The following ASB5 variants were observed in gnomAD, a reference collection of about 807,000 sequenced individuals.
ASB5 encodes ankyrin repeat and SOCS box protein 5.
ASB5 carries 45 observed loss-of-function variants against 42.1 expected under a neutral mutation model. The observed-to-expected ratio is 1.07, with a 90% CI of 0.84 to 1.37. ASB5 has a LOEUF of 1.37. Among genes scored for constraint, ASB5 ranks in the 40% most tolerant of loss-of-function variants. ASB5 has a pLI of 0.00. For missense variants in ASB5, 402 were observed against 399.8 expected, an observed-to-expected ratio of 1.01 and a Z score of -0.05; for synonymous variants, 147 against 150.6, an observed-to-expected ratio of 0.98 and a Z score of 0.18.
chr4:176,263,249 C>A (rs1209479529), intron 1 of ASB5, among the ~76,000 whole-genome samples: 1 of 152,112 alleles, frequency 6.6e-6, no homozygotes, highest in South Asian at 2.1e-4. Flanking sequence ...TCAGCAGGCA[C>A]CAGAATCATG....
At chr4:176,269,239 C>T (rs532846184), upstream of ASB5, 1 of 693,428 alleles carries the variant, frequency 1.4e-6, no homozygotes, top group South Asian at 2.4e-5. Context: ...GCCTACAGCT[C>T]AAAATATTTA....
At chr4:176,218,698 TATATATATATTTGTATGATATATAC>T (rs1305513113) in intron 5 of ASB5, among the ~76,000 whole-genome samples, 2,844 of 19,860 alleles carry the variant, frequency 0.14, 973 homozygotes, top group East Asian at 0.18. Flanking sequence ...GATATATAAA[TATATATATATTTGTATGATATATAC>T]ATTTGTATGA....
In ASB5 at chr4:176,259,895, A is replaced by G. The variant is rs563024043; in HGVS notation, c.196+9018T>C. ...ATTTTACTCAGTGGGTACCGGTGGCATGGAAATTTTAGCTGCCCTGATAGA... is the reference window on the plus strand; with the variant it reads ...ATTTTACTCAGTGGGTACCGGTGGCGTGGAAATTTTAGCTGCCCTGATAGA... On this transcript the variant is annotated intron_variant, in intron 1 of 6. Coordinates refer to ENST00000296525, the MANE Select transcript of ASB5 (RefSeq NM_080874.4). Among the ~76,000 whole-genome samples, 3 of 152,288 alleles carry G rather than the reference A, an allele frequency of 2.0e-5. No individual in the cohort carries two copies. The South Asian group carries it at 6.2e-4, about 32-fold the overall frequency.
intron 1 of ASB5, among the ~76,000 whole-genome samples, chr4:176,250,240 G>C (rs971647496): frequency 6.6e-6 from 1 of 152,130 alleles, no homozygotes; most frequent in African/African-American, 2.4e-5. Flanking sequence ...CTGAGGTCAC[G>C]GGCGTGATAA....
chr4:176,260,711 C>A (rs1213198936), intron 1 of ASB5, among the ~76,000 whole-genome samples: 1 of 152,174 alleles, frequency 6.6e-6, no homozygotes, highest in Non-Finnish European at 1.5e-5. Context: ...CGGAGTCTAG[C>A]TCTGTTGCCA....
intron 1 of ASB5, among the ~76,000 whole-genome samples, chr4:176,264,550 A>G (rs1754321917): frequency 6.6e-6 from 1 of 152,180 alleles, no homozygotes; most frequent in Admixed American, 6.5e-5. Context: ...TAAATAAATC[A>G]AATGCAAGAC....
chr4:176,264,355 C>T (rs1754318734), intron 1 of ASB5, among the ~76,000 whole-genome samples: 1 of 152,108 alleles, frequency 6.6e-6, no homozygotes. Context: ...ACACAAAATA[C>T]TGTTGATTGA....
chr4:176,216,429 C>T (rs993048793), intron 6 of ASB5, among the ~76,000 whole-genome samples: 15 of 152,270 alleles, frequency 9.9e-5, no homozygotes, highest in African/African-American at 3.6e-4. Context: ...TGGCTCACTG[C>T]AACCTCCGCC....
upstream of ASB5, among the ~76,000 whole-genome samples, chr4:176,270,919 G>A (rs1579339133): frequency 6.6e-6 from 1 of 152,122 alleles, no homozygotes. Context: ...ACCTGCCTTA[G>A]TCACGTCTAA....
rs555407492 is a variant in ASB5 at position 176,227,524 on chromosome 4, C to T, written c.197-2183G>A. Among the ~76,000 whole-genome samples, 15 of 152,264 alleles carry T rather than the reference C, an allele frequency of 9.9e-5. No individual in the cohort carries two copies. The South Asian group carries it at 1.2e-3, about 13-fold the overall frequency. On this transcript the variant is annotated intron_variant, in intron 1 of 6. Coordinates refer to ENST00000296525, the MANE Select transcript of ASB5 (RefSeq NM_080874.4). Reference sequence around the variant, plus strand: ...TGATTGCCTAAATAAAAGCAGAGAACGCTTACACAGTCCTCACCATATGCC... The same window carrying T: ...TGATTGCCTAAATAAAAGCAGAGAATGCTTACACAGTCCTCACCATATGCC...
intron 1 of ASB5, among the ~76,000 whole-genome samples, chr4:176,260,339 A>G (rs913175968): frequency 2.6e-5 from 4 of 152,230 alleles, no homozygotes; most frequent in African/African-American, 9.6e-5. Context: ...TCTATAAGAC[A>G]GATTTTTAAA....
At chr4:176,264,625 A>G (rs929896040) in intron 1 of ASB5, among the ~76,000 whole-genome samples, 1 of 152,208 alleles carries the variant, frequency 6.6e-6, no homozygotes, top group African/African-American at 2.4e-5. Flanking sequence ...AGGGATAGGT[A>G]TGTAACCTAC....
intron 1 of ASB5, among the ~76,000 whole-genome samples, chr4:176,263,975 T>C (rs1181757918): frequency 1.3e-5 from 2 of 151,952 alleles, no homozygotes; most frequent in African/African-American, 2.4e-5. Context: ...CAAGTTCACC[T>C]GCCATTCAGC....
intron 5 of ASB5, among the ~76,000 whole-genome samples, chr4:176,219,129 ATT>A (rs1188654956): frequency 8.6e-6 from 1 of 116,894 alleles, no homozygotes; most frequent in Non-Finnish European, 1.6e-5. Context: ...TGATATATAT[ATT>A]TGTATGATAT....
In ASB5 at chr4:176,247,907, T is replaced by C. The variant is rs560616237; in HGVS notation, c.196+21006A>G. Among the ~76,000 whole-genome samples, 81 of 152,334 alleles carry C rather than the reference T, an allele frequency of 5.3e-4. No homozygotes were observed. The South Asian group carries it at 7.5e-3, about 14-fold the overall frequency. On this transcript the variant is annotated intron_variant, in intron 1 of 6. Coordinates refer to ENST00000296525, the MANE Select transcript of ASB5 (RefSeq NM_080874.4). ...ATAGTTCTTCTAAATGTTTTCATTT[T>C]CTTAACAATTTTAGGATACAAAATA...
At chr4:176,242,296 T>C (rs916634322) in intron 1 of ASB5, among the ~76,000 whole-genome samples, 1 of 152,200 alleles carries the variant, frequency 6.6e-6, no homozygotes, top group Admixed American at 6.5e-5. Flanking sequence ...GGGACTAGTC[T>C]CTTGTTTTCT....
chr4:176,252,098 GAA>G (rs1754052583), intron 1 of ASB5, among the ~76,000 whole-genome samples: 1 of 106,508 alleles, frequency 9.4e-6, no homozygotes, highest in African/African-American at 3.6e-5. Flanking sequence ...AAAAAAAAAA[GAA>G]AAAGACACGC....
chr4:176,218,383 G>T (rs1356211487), intron 5 of ASB5, among the ~76,000 whole-genome samples: 2 of 94,650 alleles, frequency 2.1e-5, no homozygotes, highest in African/African-American at 4.5e-5. Flanking sequence ...ATATATGTAT[G>T]ATATATAAAT....
intron 2 of ASB5, among the ~76,000 whole-genome samples, chr4:176,224,763 T>C (rs1753328969): frequency 6.6e-6 from 1 of 152,210 alleles, no homozygotes. Flanking sequence ...GTGTTTTTTA[T>C]TTTTCCTCTG....
Sources: allele counts gnomAD v4.1 joint callset (sites outside exome capture counted in the v4.1 genomes callset), GRCh38; gene constraint gnomAD v4.1.1; transcripts MANE v1.5; gene names NCBI Gene and HGNC (gene_info 2026-07-23, HGNC 2026-07-21).